AOX1: variants seen among roughly 807,000 people sequenced by gnomAD.
The protein encoded by AOX1 is aldehyde oxidase.
AOX1 carries 153 observed loss-of-function variants against 169.5 expected under a neutral mutation model. The observed-to-expected ratio is 0.90, with a 90% CI of 0.79 to 1.03. The LOEUF (loss-of-function observed/expected upper bound fraction) is 1.03. AOX1 is among the 50% of genes least tolerant of loss of function. The pLI is 0.00. For synonymous variants in AOX1, 562 were observed against 581.9 expected (o/e 0.97, Z 0.49); for missense variants, 1,656 against 1,663.9 (o/e 1.00, Z 0.08).
In AOX1 at chr2:200,621,211, T is replaced by C; in HGVS notation, c.1966T>C (p.Phe656Leu). 6.2e-7 allele frequency: 1 copy of C among 1,614,064 alleles called. No individual in the cohort carries two copies. Among genetic ancestry groups the C allele is most frequent in the African/African-American group, 1.3e-5 (1 of 75,054 alleles). The stretch of plus-strand genomic sequence containing the variant: ...TAGTGACGTCAACTCCTTCTGCTTT[T>C]TTACTGAAGCTGAGAAATTTCTGGC... Reference protein sequence around the residue: ...HLSDVNSFCFFTEAEKFLATD... With the variant: ...HLSDVNSFCFLTEAEKFLATD... Residue 656 changes from phenylalanine (F) to leucine (L), a missense_variant, in exon 18 of 35, where the codon TTT becomes CTT. Physicochemically the swap from Phe to Leu is conservative, Grantham distance 22. Transcript: ENST00000374700.
intron 26 of AOX1, among the ~76,000 whole-genome samples, chr2:200,652,110 C>T (rs1196428487): frequency 6.6e-6 from 1 of 152,042 alleles, no homozygotes; most frequent in Non-Finnish European, 1.5e-5. Context: ...TCGAGAGGGG[C>T]GTTAGTGTGG....
intron 32 of AOX1, 94 bp downstream of exon 32, chr2:200,666,846 C>A: frequency 1.2e-6 from 1 of 816,866 alleles, no homozygotes; most frequent in Non-Finnish European, 1.9e-6. Context: ...TATTCATCAT[C>A]TTATTTTTCT....
In AOX1 at chr2:200,613,875, C is replaced by A. The variant is rs759164141; in HGVS notation, c.1520C>A (p.Ala507Glu). The A allele has an allele frequency of 4.3e-6, 7 of 1,612,542 alleles. No homozygotes were observed. Among genetic ancestry groups the A allele is most frequent in the Middle Eastern group, 2.0e-4 (1 of 4,962 alleles). Reference sequence around the variant, plus strand: ...AATGAAGTCTCCCTTTTGGGCTCGGCGCCAGGTGGGAAAGTGGAGTTCAAG... The same window carrying A: ...AATGAAGTCTCCCTTTTGGGCTCGGAGCCAGGTGGGAAAGTGGAGTTCAAG... Reference protein sequence around the residue: ...ILNEVSLLGSAPGGKVEFKRT... With the variant: ...ILNEVSLLGSEPGGKVEFKRT... The change falls in exon 15 of 35, where the codon GCG becomes GAG. Residue 507 changes from alanine (A) to glutamate (E), a missense_variant. By Grantham distance (107) the Ala-to-Glu change is moderately radical (BLOSUM62 -1). Coordinates refer to ENST00000374700, the MANE Select transcript of AOX1 (RefSeq NM_001159.4).
chr2:200,607,987 G>T (rs1336152546), intron 10 of AOX1, among the ~76,000 whole-genome samples: 4 of 152,064 alleles, frequency 2.6e-5, no homozygotes, highest in African/African-American at 9.7e-5. Context: ...AGCAAGGGAA[G>T]GGAGAGCATT....
In AOX1 at chr2:200,656,293, A is replaced by T. The variant is rs540460702; in HGVS notation, c.3076-549A>T. On this transcript the variant is annotated intron_variant, in intron 26 of 34. Coordinates refer to ENST00000374700, the MANE Select transcript of AOX1 (RefSeq NM_001159.4). ...GTTTAGCACAGGCAGATACGCAAGAAGGCACATTCTTGTTAATTATAAAAA... is the reference window on the plus strand; with the variant it reads ...GTTTAGCACAGGCAGATACGCAAGATGGCACATTCTTGTTAATTATAAAAA... 1.1e-4 allele frequency among the ~76,000 whole-genome samples: 15 copies of T among 139,470 alleles called. No individual in the cohort carries two copies. The East Asian group carries it at 3.0e-3, about 27-fold the overall frequency. The allele number at this position is 139,470 out of a possible 152,430, so 91.5% of individuals were successfully genotyped here. A position where few individuals can be genotyped will look rare whatever the true frequency, so the allele number is the denominator to read the frequency against.
chr2:200,655,366 C>T (rs1157835655), intron 26 of AOX1, among the ~76,000 whole-genome samples: 2 of 152,014 alleles, frequency 1.3e-5, no homozygotes, highest in Admixed American at 1.3e-4. Flanking sequence ...GCCCTGGGCT[C>T]TCTGTAGAGG....
At chr2:200,657,126 C>G (rs1325381310) in intron 27 of AOX1, among the ~76,000 whole-genome samples, 189 bp downstream of exon 27, 1 of 138,974 alleles carries the variant, frequency 7.2e-6, no homozygotes, top group Non-Finnish European at 1.5e-5. Flanking sequence ...GAGTTCGAGA[C>G]CAGCCCAGGG....
At position 200,668,868 on chromosome 2, in the gene AOX1, A is replaced by G. The variant is rs998925997; in HGVS notation, c.3798+65A>G. On this transcript the variant is annotated intron_variant, in intron 33 of 34. Transcript: ENST00000374700. The stretch of plus-strand genomic sequence containing the variant: ...ATACCTGTTGGGTGACAGGAAGGCT[A>G]CATTCCTCTCTTGGCTGTTTGGGAT... 1.5e-5 allele frequency: 21 copies of G among 1,388,040 alleles called. No individual in the cohort carries two copies. The Middle Eastern group carries it at 9.0e-4, about 59-fold the overall frequency. The allele number at this position is 1,388,040 out of a possible 1,614,324, so 86.0% of individuals were successfully genotyped here. A position where few individuals can be genotyped will look rare whatever the true frequency, so the allele number is the denominator to read the frequency against.
chr2:200,648,324 T>C (rs556904908), intron 25 of AOX1, among the ~76,000 whole-genome samples: 84 of 152,350 alleles, frequency 5.5e-4, no homozygotes, highest in Admixed American at 5.0e-3. Flanking sequence ...TGGATGTGGC[T>C]TCCTGTGAGC....
At chr2:200,586,306 A>G (rs1025465574) in intron 1 of AOX1, among the ~76,000 whole-genome samples, 153 bp downstream of exon 1, 1 of 152,196 alleles carries the variant, frequency 6.6e-6, no homozygotes, top group Non-Finnish European at 1.5e-5. Flanking sequence ...TTGCCTTCGC[A>G]TTCCCACCCC....
Position 200,637,028 on chromosome 2 carries a change from G to A in AOX1, c.2464G>A (p.Ala822Thr), listed in dbSNP as rs777974968. 14 of 1,614,048 alleles carry A rather than the reference G, an allele frequency of 8.7e-6. No homozygotes were observed. The highest frequency in any genetic ancestry group is 1.7e-5 in the Admixed American group (1 of 59,990). Residue 822 changes from alanine to threonine, a missense_variant, in exon 22 of 35, where the codon GCA becomes ACA. By Grantham distance (58) the Ala-to-Thr change is moderately conservative. Coordinates refer to ENST00000374700, the MANE Select transcript of AOX1 (RefSeq NM_001159.4). ...LKTGIIAAVT[A>T]FAANKHGRAV... ...AACCGGAATCATTGCAGCCGTCACT[G>A]CATTTGCCGCAAACAAGTAAGTGGA...
intron 6 of AOX1, among the ~76,000 whole-genome samples, chr2:200,602,630 G>T (rs1194485466): frequency 6.6e-6 from 1 of 152,040 alleles, no homozygotes; most frequent in Admixed American, 6.5e-5. Context: ...AGGTACCCTG[G>T]CCTGGTGTTC....
At chr2:200,656,992 G>A in intron 27 of AOX1, 55 bp downstream of exon 27, 1 of 1,223,124 alleles carries the variant, frequency 8.2e-7, no homozygotes, top group Non-Finnish European at 1.1e-6. Context: ...ATCTGTTCAT[G>A]AGAGAAAAAC....
chr2:200,599,907 T>C (rs2034373756), intron 5 of AOX1, among the ~76,000 whole-genome samples, 161 bp downstream of exon 5: 1 of 152,198 alleles, frequency 6.6e-6, no homozygotes, highest in Non-Finnish European at 1.5e-5. Flanking sequence ...TGCCTCAGCC[T>C]CCCCTCATGC....
In AOX1 at chr2:200,627,260, A is replaced by G. The variant is rs2035024688; in HGVS notation, c.2125-93A>G. 4 of 790,560 alleles carry G rather than the reference A, an allele frequency of 5.1e-6. No homozygotes were observed. In the South Asian group the frequency reaches 6.6e-5, roughly 13 times the overall value. 49.0% of individuals were successfully genotyped at this position (790,560 alleles called of 1,614,324 possible). ...GAACCACAAGGTGAAGGGAGAAACAACCCCTGCTCAGAGGATGTGCAGTGG... is the reference window on the plus strand; with the variant it reads ...GAACCACAAGGTGAAGGGAGAAACAGCCCCTGCTCAGAGGATGTGCAGTGG... On this transcript the variant is annotated intron_variant, in intron 19 of 34. Coordinates refer to ENST00000374700, the MANE Select transcript of AOX1 (RefSeq NM_001159.4).
downstream of AOX1, among the ~76,000 whole-genome samples, chr2:200,675,113 G>A (rs897791149): frequency 6.6e-6 from 1 of 152,100 alleles, no homozygotes; most frequent in Admixed American, 6.5e-5. Flanking sequence ...ACAACCTCGC[G>A]CAGGCACAGC....
At chr2:200,626,250 A>C (rs1298140653) in intron 19 of AOX1, among the ~76,000 whole-genome samples, 2 of 152,210 alleles carry the variant, frequency 1.3e-5, no homozygotes, top group Non-Finnish European at 2.9e-5. Flanking sequence ...CTGTCAAAGA[A>C]CCTGGGCCCC....
Position 200,611,471 on chromosome 2 carries a change from T to TGAACATCCCCTACTCAAGGAAGGTGA in AOX1, c.1251_1263+13dup. ...AAGCCTCAAGAAATCTTGGTCTCAG[T>TGAACATCCCCTACTCAAGGAAGGTGA]GAACATCCCCTACTCAAGGAAGGTG... is the stretch of plus-strand genomic sequence containing the variant. On this transcript the variant is annotated frameshift_variant, in exon 13 of 35. Transcript: ENST00000374700. LOFTEE classifies it high-confidence loss of function. 6.2e-7 allele frequency: 1 copy of TGAACATCCCCTACTCAAGGAAGGTGA among 1,612,562 alleles called. No homozygotes were observed. The highest frequency in any genetic ancestry group is 8.5e-7 in the Non-Finnish European group (1 of 1,178,612).
intron 1 of AOX1, among the ~76,000 whole-genome samples, chr2:200,591,305 A>G (rs899651140): frequency 4.6e-5 from 7 of 152,238 alleles, no homozygotes; most frequent in Non-Finnish European, 1.0e-4. Flanking sequence ...AGGTGAAGAC[A>G]TCAGCCATGG....
Sources: allele counts gnomAD v4.1 joint callset (sites outside exome capture counted in the v4.1 genomes callset), GRCh38; gene constraint gnomAD v4.1.1; transcripts MANE v1.5; gene names NCBI Gene and HGNC (gene_info 2026-07-23, HGNC 2026-07-21).